TRHDE: variants seen among roughly 807,000 people sequenced by gnomAD.
TRHDE encodes thyrotropin-releasing hormone-degrading ectoenzyme.
TRHDE carries 72 observed loss-of-function variants against 125.7 expected under a neutral mutation model. The ratio of observed to expected loss-of-function variants is 0.57; its 90% CI spans 0.47 to 0.70. The LOEUF is 0.70. Ranked by LOEUF, TRHDE falls within the 30% of genes least tolerant of loss-of-function variation. TRHDE has a pLI of 0.00. For synonymous variants in TRHDE, 509 were observed against 509.1 expected, an observed-to-expected ratio of 1.00 and a Z score of 0.00; for missense variants, 1,110 against 1,327.1, an observed-to-expected ratio of 0.84 and a Z score of 2.54.
At chr12:72,141,321 A>G (rs1400698689) in intron 2 of TRHDE, among the ~76,000 whole-genome samples, 1 of 152,120 alleles carries the variant, frequency 6.6e-6, no homozygotes, top group East Asian at 1.9e-4. Flanking sequence ...CAAACATATC[A>G]CATGATAGCA....
chr12:72,179,931 C>T (rs1394387545), intron 2 of TRHDE, among the ~76,000 whole-genome samples: 1 of 152,002 alleles, frequency 6.6e-6, no homozygotes, highest in Non-Finnish European at 1.5e-5. Flanking sequence ...TACAGGCAGT[C>T]CCTGCCCTTT....
intron 7 of TRHDE, among the ~76,000 whole-genome samples, chr12:72,549,789 AAAG>A (rs1346216758): frequency 2.6e-5 from 4 of 151,958 alleles, no homozygotes; most frequent in Admixed American, 2.6e-4. Context: ...TACTTTAAAA[AAAG>A]TAAATAGCAT....
At chr12:72,271,938 C>T, upstream of TRHDE, 1 of 456,568 alleles carries the variant, frequency 2.2e-6, no homozygotes, top group East Asian at 6.9e-5. Flanking sequence ...CCGTTTGCCG[C>T]CACCGCCGCT....
chr12:72,312,607 C>T (rs938142256), intron 2 of TRHDE, among the ~76,000 whole-genome samples: 8 of 152,160 alleles, frequency 5.3e-5, no homozygotes, highest in Non-Finnish European at 2.9e-5. Context: ...CACCATTTCC[C>T]GTTACTTCAC....
intron 3 of TRHDE, among the ~76,000 whole-genome samples, chr12:72,412,122 T>G (rs1873538782): frequency 6.6e-6 from 1 of 152,102 alleles, no homozygotes. Context: ...ACACATTGAT[T>G]TGTATTAAAA....
At chr12:72,107,326 C>T (rs1055675673) in intron 2 of TRHDE, among the ~76,000 whole-genome samples, 1 of 152,108 alleles carries the variant, frequency 6.6e-6, no homozygotes. Flanking sequence ...CAGACTGCTT[C>T]TCACTGATAG....
Position 72,597,743 on chromosome 12 carries a change from ATATATATATATATATG to A in TRHDE, c.2322-21147_2322-21132del, listed in dbSNP as rs1565804778. On this transcript the variant is annotated intron_variant, in intron 12 of 18. Transcript: ENST00000261180. Reference sequence around the variant, plus strand: ...TATATATATATATATATATATATATATATATATATATATATGCATACACACACAAATACATATGTAT... The same window carrying A: ...TATATATATATATATATATATATATACATACACACACAAATACATATGTAT... Among the ~76,000 whole-genome samples, 36 of 8,990 alleles carry A rather than the reference ATATATATATATATATG, an allele frequency of 4.0e-3. 1 individual carries two copies. Among genetic ancestry groups the A allele is most frequent in the Middle Eastern group, 0.091 (2 of 22 alleles). 5.9% of individuals were successfully genotyped at this position (8,990 alleles called of 152,430 possible).
chr12:72,319,422 T>C (rs1476445652), intron 2 of TRHDE, among the ~76,000 whole-genome samples: 1 of 152,190 alleles, frequency 6.6e-6, no homozygotes, highest in African/African-American at 2.4e-5. Context: ...CATGAAATAT[T>C]TGCATGTCAA....
chr12:72,522,879 C>G (rs757422606), intron 6 of TRHDE, among the ~76,000 whole-genome samples: 5 of 152,062 alleles, frequency 3.3e-5, no homozygotes, highest in Admixed American at 1.3e-4. Context: ...TCTCCACATC[C>G]CCTGATGCAT....
intron 12 of TRHDE, among the ~76,000 whole-genome samples, chr12:72,612,726 C>G (rs1384899117): frequency 1.3e-5 from 2 of 152,142 alleles, no homozygotes; most frequent in Non-Finnish European, 2.9e-5. Context: ...TACATGATAG[C>G]TTGAAATTAT....
chr12:72,625,821 G>A (rs1873235427), intron 15 of TRHDE, among the ~76,000 whole-genome samples: 1 of 151,748 alleles, frequency 6.6e-6, no homozygotes, highest in South Asian at 2.1e-4. Context: ...TGGTTCTGTG[G>A]TATATTACAC....
At chr12:72,520,094 G>A (rs1879107179) in intron 6 of TRHDE, among the ~76,000 whole-genome samples, 1 of 152,206 alleles carries the variant, frequency 6.6e-6, no homozygotes, top group African/African-American at 2.4e-5. Context: ...CTGTCTTTTT[G>A]TTTGTCTGTG....
intron 2 of TRHDE, among the ~76,000 whole-genome samples, chr12:72,127,428 A>AATCAACCT (rs1303103692): frequency 3.9e-5 from 6 of 152,240 alleles, no homozygotes; most frequent in Admixed American, 6.5e-5. Context: ...AAAGACATAA[A>AATCAACCT]ATCAACCTAG....
At chr12:72,447,198 C>G (rs1401760971) in intron 3 of TRHDE, among the ~76,000 whole-genome samples, 1 of 152,094 alleles carries the variant, frequency 6.6e-6, no homozygotes, top group Non-Finnish European at 1.5e-5. Context: ...AACTAGAACT[C>G]AGGATTAAGA....
chr12:72,506,726 C>G (rs1012475090), intron 6 of TRHDE, among the ~76,000 whole-genome samples: 2 of 152,132 alleles, frequency 1.3e-5, no homozygotes, highest in African/African-American at 4.8e-5. Flanking sequence ...TGGATGGCAA[C>G]TCCAAGCTCC....
chr12:72,176,406 T>A (rs1876989427), intron 2 of TRHDE, among the ~76,000 whole-genome samples: 1 of 152,106 alleles, frequency 6.6e-6, no homozygotes, highest in Admixed American at 6.5e-5. Flanking sequence ...TAGCTGACTC[T>A]GCAGCTGATG....
At chr12:72,614,374 CAGAG>C (rs1364339784) in intron 12 of TRHDE, among the ~76,000 whole-genome samples, 4 of 141,076 alleles carry the variant, frequency 2.8e-5, no homozygotes, top group Non-Finnish European at 6.0e-5. Flanking sequence ...TGTTGGTTGA[CAGAG>C]AGACTTCCCT....
intron 2 of TRHDE, among the ~76,000 whole-genome samples, chr12:72,130,752 A>C (rs1875841795): frequency 6.6e-6 from 1 of 152,214 alleles, no homozygotes; most frequent in South Asian, 2.1e-4. Context: ...TATGGCTATT[A>C]AGTACAGGAA....
chr12:72,462,859 A>T (rs561153566), intron 3 of TRHDE, among the ~76,000 whole-genome samples: 49 of 152,044 alleles, frequency 3.2e-4, no homozygotes, highest in Non-Finnish European at 5.6e-4. Context: ...CAACCCCTCA[A>T]ACCTGGAACA....
Sources: gnomAD v4.1 joint callset for allele counts (sites outside exome capture counted in the v4.1 genomes callset) on GRCh38, gnomAD v4.1.1 for gene constraint, MANE v1.5 for transcripts, NCBI Gene and HGNC (gene_info 2026-07-23, HGNC 2026-07-21) for gene names.